Variants in SMG7 observed in about 807,000 individuals in gnomAD.
The protein encoded by SMG7 is nonsense-mediated mRNA decay factor SMG7.
In SMG7, 34 loss-of-function variants were observed where a neutral mutation model predicts 148.2. The ratio of observed to expected loss-of-function variants is 0.23; its 90% CI spans 0.17 to 0.31. SMG7 has a LOEUF of 0.31. Ranked by LOEUF, SMG7 falls within the 10% of genes least tolerant of loss-of-function variation. The probability of loss-of-function intolerance (pLI) is 1.00; values close to 1 mark genes in which losing one functional copy is unlikely to be tolerated. For synonymous variants in SMG7, 492 were observed against 515.1 expected, an observed-to-expected ratio of 0.96 and a Z score of 0.61; for missense variants, 1,114 against 1,408.4, an observed-to-expected ratio of 0.79 and a Z score of 3.35.
At chr1:183,512,267 C>T (rs1662313602) in intron 1 of SMG7, among the ~76,000 whole-genome samples, 1 of 152,096 alleles carries the variant, frequency 6.6e-6, no homozygotes, top group African/African-American at 2.4e-5. Flanking sequence ...AATTATTGTT[C>T]TTAAATATTA....
At chr1:183,482,038 C>T (rs1355353453) in intron 1 of SMG7, among the ~76,000 whole-genome samples, 1 of 151,956 alleles carries the variant, frequency 6.6e-6, no homozygotes, top group Non-Finnish European at 1.5e-5. Context: ...GTATAGCAGG[C>T]AAAGAACAAA....
At chr1:183,480,374 A>G (rs1376487192) in intron 1 of SMG7, among the ~76,000 whole-genome samples, 1 of 151,836 alleles carries the variant, frequency 6.6e-6, no homozygotes, top group African/African-American at 2.4e-5. Context: ...GTTACCATCT[A>G]CTTTTCCTTA....
chr1:183,472,769 G>C, intron 1 of SMG7, 120 bp downstream of exon 1: 1 of 946,126 alleles, frequency 1.1e-6, no homozygotes, highest in Non-Finnish European at 1.5e-6. Context: ...TCCTCGCCGG[G>C]CAGGTCGGCG....
chr1:183,519,645 C>T (rs997060441), intron 4 of SMG7, among the ~76,000 whole-genome samples: 1 of 152,004 alleles, frequency 6.6e-6, no homozygotes, highest in Non-Finnish European at 1.5e-5. Context: ...TATACAAAGT[C>T]CCAAAAAGTT....
At chr1:183,547,829 T>C (rs2102796980) in intron 18 of SMG7, among the ~76,000 whole-genome samples, 1 of 152,100 alleles carries the variant, frequency 6.6e-6, no homozygotes, top group East Asian at 1.9e-4. Context: ...CATAAATGAG[T>C]AAATATGAAA....
At chr1:183,493,047 C>T (rs572645042) in intron 1 of SMG7, among the ~76,000 whole-genome samples, 3 of 152,228 alleles carry the variant, frequency 2.0e-5, no homozygotes, top group Non-Finnish European at 4.4e-5. Context: ...TAATTCACTG[C>T]GACTTCAAAC....
At chr1:183,496,071 A>T (rs973253460) in intron 1 of SMG7, among the ~76,000 whole-genome samples, 5 of 152,210 alleles carry the variant, frequency 3.3e-5, no homozygotes, top group Non-Finnish European at 5.9e-5. Context: ...GGCATTGGGC[A>T]AGTTTCCTAA....
intron 1 of SMG7, among the ~76,000 whole-genome samples, chr1:183,482,911 G>A (rs1329073838): frequency 6.6e-6 from 1 of 152,092 alleles, no homozygotes; most frequent in African/African-American, 2.4e-5. Flanking sequence ...GTAGAATGGA[G>A]GTAGAGTTGT....
At chr1:183,523,396 A>G (rs1665179664) in intron 4 of SMG7, among the ~76,000 whole-genome samples, 3 of 152,134 alleles carry the variant, frequency 2.0e-5, no homozygotes, top group South Asian at 4.1e-4. Flanking sequence ...ACAAATGCTT[A>G]TAGGTTCATT....
intron 2 of SMG7, among the ~76,000 whole-genome samples, chr1:183,514,605 T>G (rs918321511): frequency 2.6e-5 from 4 of 152,278 alleles, no homozygotes; most frequent in Non-Finnish European, 5.9e-5. Flanking sequence ...TTGAACAACC[T>G]TAGTAAATAG....
chr1:183,526,696 C>T lies in SMG7; in HGVS notation c.413C>T (p.Ala138Val). ...IISNKQTHTS[A>V]IVKPQSSSCS... ...AGCAATAAACAGACGCATACCAGCG[C>T]CATAGTGAAGCCACAGTCTAGCTCC... Residue 138 changes from alanine (A) to valine (V), a missense_variant, in exon 5 of 23, where the codon GCC becomes GTC. Coordinates refer to ENST00000688051, the MANE Select transcript of SMG7 (RefSeq NM_001375584.1). The T allele has an allele frequency of 6.2e-7, 1 of 1,613,822 alleles. No homozygotes were observed. The highest frequency in any genetic ancestry group is 8.5e-7 in the Non-Finnish European group (1 of 1,179,834).
intron 1 of SMG7, among the ~76,000 whole-genome samples, chr1:183,493,183 C>G (rs946902712): frequency 1.3e-5 from 2 of 152,078 alleles, no homozygotes; most frequent in Non-Finnish European, 2.9e-5. Flanking sequence ...TTGTATTGCC[C>G]AGGTTGGTCT....
At position 183,527,576 on chromosome 1, in the gene SMG7, A is replaced by T; in HGVS notation, c.485-380A>T. The T allele has an allele frequency of 2.2e-6, 1 of 456,808 alleles. No homozygotes were observed. The highest frequency in any genetic ancestry group is 1.6e-5 in the South Asian group (1 of 61,830). 28.3% of individuals were successfully genotyped at this position (456,808 alleles called of 1,614,324 possible). A position where few individuals can be genotyped will look rare whatever the true frequency, so the allele number is the denominator to read the frequency against. On this transcript the variant is annotated intron_variant, in intron 5 of 22. Coordinates refer to ENST00000688051, the MANE Select transcript of SMG7 (RefSeq NM_001375584.1). The surrounding 1 kb of genome is among the most constrained non-coding windows in gnomAD (Gnocchi z 4.0). The stretch of plus-strand genomic sequence containing the variant: ...CTTTATAAAATATTGAAAAATACAT[A>T]ATTTTCAGATCATATTGTATAGTGT...
chr1:183,514,099 A>G (rs1352719531), intron 2 of SMG7, among the ~76,000 whole-genome samples: 2 of 151,628 alleles, frequency 1.3e-5, no homozygotes, highest in Non-Finnish European at 2.9e-5. Flanking sequence ...TAATCACCGT[A>G]TACTGGTCAG....
At chr1:183,490,308 G>T (rs890036917) in intron 1 of SMG7, among the ~76,000 whole-genome samples, 2 of 152,206 alleles carry the variant, frequency 1.3e-5, no homozygotes, top group Admixed American at 6.5e-5. Context: ...GGCAAAAGCA[G>T]GATGGACGGA....
chr1:183,482,311 T>C (rs1049827787), intron 1 of SMG7, among the ~76,000 whole-genome samples: 4 of 152,126 alleles, frequency 2.6e-5, no homozygotes, highest in African/African-American at 7.2e-5. Flanking sequence ...GTGTGTGTTA[T>C]GCACATTCCT....
rs1290409523 is a variant in SMG7 at position 183,547,268 on chromosome 1, A to G, written c.2892+16A>G. On this transcript the variant is annotated intron_variant, in intron 18 of 22. Coordinates refer to ENST00000688051, the MANE Select transcript of SMG7 (RefSeq NM_001375584.1). ...AAGCCTTTTTGTATGTATTTGACAT[A>G]ATTCTGCTTCTTGGTCTAACCCCCA... 6.5e-7 allele frequency: 1 copy of G among 1,546,620 alleles called. No homozygotes were observed. The highest frequency in any genetic ancestry group is 1.4e-5 in the African/African-American group (1 of 72,806).
At chr1:183,544,305 A>G (rs767056211) in intron 14 of SMG7, 48 bp from the exon 15 acceptor site, 1 of 1,526,654 alleles carries the variant, frequency 6.6e-7, no homozygotes, top group Non-Finnish European at 9.1e-7. Context: ...TTTCTAGCAC[A>G]TTTGAGTTTC....
chr1:183,529,657 G>A (rs1429705381), intron 8 of SMG7, 124 bp downstream of exon 8: 9 of 710,438 alleles, frequency 1.3e-5, no homozygotes, highest in East Asian at 2.8e-5. Context: ...AATTATATTC[G>A]AAGTATGTGA....
Sources: gnomAD v4.1 joint callset for allele counts (sites outside exome capture counted in the v4.1 genomes callset) on GRCh38, gnomAD v4.1.1 for gene constraint, Gnocchi (gnomAD v3.1) non-coding constraint, MANE v1.5 for transcripts, NCBI Gene and HGNC (gene_info 2026-07-23, HGNC 2026-07-21) for gene names.